Variants in EXOC2 observed in about 807,000 individuals in gnomAD.
EXOC2 encodes SEC5-like 1.
A neutral mutation model predicts 131.8 loss-of-function variants in EXOC2; 70 were observed. The ratio of observed to expected loss-of-function variants is 0.53; its 90% confidence interval spans 0.44 to 0.65. The LOEUF (loss-of-function observed/expected upper bound fraction) is 0.65, where lower values mean the gene tolerates loss of function less well. EXOC2 is among the 30% of genes least tolerant of loss of function. The pLI is 0.00. For missense variants in EXOC2, 923 were observed against 1,108.6 expected (o/e 0.83, Z 2.38); for synonymous variants, 411 against 398.4 (o/e 1.03, Z -0.38).
chr6:631,645 TTTTC>T (rs1187045386), intron 3 of EXOC2, among the ~76,000 whole-genome samples: 5 of 152,288 alleles, frequency 3.3e-5, no homozygotes, highest in Admixed American at 2.6e-4. Flanking sequence ...TTTGCCTAAG[TTTTC>T]TTTATCTGCT....
chr6:631,489 G>C (rs570769634), intron 3 of EXOC2, among the ~76,000 whole-genome samples: 2 of 151,646 alleles, frequency 1.3e-5, no homozygotes, highest in South Asian at 2.1e-4. Context: ...AGTAAGCCAA[G>C]ATTGAGATCG....
chr6:690,652 G>A (rs1764882070), intron 1 of EXOC2, among the ~76,000 whole-genome samples: 1 of 152,230 alleles, frequency 6.6e-6, no homozygotes, highest in Non-Finnish European at 1.5e-5. Flanking sequence ...GCACTGAGCA[G>A]AGATCTCGCC....
intron 19 of EXOC2, 104 bp downstream of exon 19, chr6:555,850 A>AAT (rs1343867477): frequency 1.8e-6 from 2 of 1,121,068 alleles, no homozygotes; most frequent in African/African-American, 3.1e-5. Flanking sequence ...ATGAAAAAAG[A>AAT]ATACCTATTT....
intron 4 of EXOC2, among the ~76,000 whole-genome samples, chr6:627,491 C>T (rs1761637685): frequency 6.6e-6 from 1 of 152,198 alleles, no homozygotes; most frequent in Non-Finnish European, 1.5e-5. Flanking sequence ...ACAGGATCCG[C>T]GCCTTTCTCT....
chr6:687,042 T>C (rs1220434906), intron 1 of EXOC2, among the ~76,000 whole-genome samples: 2 of 152,056 alleles, frequency 1.3e-5, no homozygotes, highest in Non-Finnish European at 2.9e-5. Context: ...TCTATATGCA[T>C]AGATAAAAAC....
At chr6:564,184 A>G in intron 15 of EXOC2, 30 bp from the exon 16 acceptor site, 1 of 1,609,866 alleles carries the variant, frequency 6.2e-7, no homozygotes, top group South Asian at 1.1e-5. Context: ...AACAGAAGTG[A>G]GCAGAGTGGG....
intron 1 of EXOC2, among the ~76,000 whole-genome samples, chr6:681,911 C>T (rs1764420880): frequency 6.6e-6 from 1 of 152,240 alleles, no homozygotes; most frequent in African/African-American, 2.4e-5. Context: ...AACCCTGGTC[C>T]TTTTCCTGCT....
chr6:626,742 C>T (rs1233558715), intron 4 of EXOC2, among the ~76,000 whole-genome samples: 1 of 152,148 alleles, frequency 6.6e-6, no homozygotes, highest in East Asian at 1.9e-4. Flanking sequence ...CATGCGCCTG[C>T]CACCACGCCC....
At chr6:605,596 C>T (rs1348199875) in intron 7 of EXOC2, among the ~76,000 whole-genome samples, 1 of 151,936 alleles carries the variant, frequency 6.6e-6, no homozygotes, top group Non-Finnish European at 1.5e-5. Context: ...TCTCTCTTTT[C>T]TTCTTTATTA....
intron 23 of EXOC2, among the ~76,000 whole-genome samples, chr6:505,680 C>T (rs1764509608): frequency 6.6e-6 from 1 of 152,182 alleles, no homozygotes; most frequent in Admixed American, 6.5e-5. Context: ...GGCAGCTCTG[C>T]AGTCCTTTGT....
At chr6:591,438 T>C (rs964423129) in intron 11 of EXOC2, among the ~76,000 whole-genome samples, 2 of 152,032 alleles carry the variant, frequency 1.3e-5, no homozygotes, top group Admixed American at 6.5e-5. Context: ...ACATTCTCCC[T>C]TCCTGGAAGT....
intron 11 of EXOC2, among the ~76,000 whole-genome samples, chr6:588,569 G>A (rs1759345159): frequency 6.6e-6 from 1 of 152,216 alleles, no homozygotes; most frequent in Admixed American, 6.5e-5. Context: ...TGGCCAGGCT[G>A]GTGTTGAACT....
chr6:504,478 G>A (rs1169095731), intron 23 of EXOC2, among the ~76,000 whole-genome samples: 1 of 152,232 alleles, frequency 6.6e-6, no homozygotes, highest in African/African-American at 2.4e-5. Flanking sequence ...TGACAGAGGG[G>A]CCATGCTGCA....
chr6:574,719 C>A (rs1758483825), intron 12 of EXOC2, among the ~76,000 whole-genome samples: 1 of 152,202 alleles, frequency 6.6e-6, no homozygotes, highest in Non-Finnish European at 1.5e-5. Context: ...TGTGGCTCCA[C>A]CCAAGATCAA....
intron 16 of EXOC2, among the ~76,000 whole-genome samples, chr6:563,283 C>T (rs531547857): frequency 1.3e-5 from 2 of 152,268 alleles, no homozygotes; most frequent in South Asian, 4.1e-4. Context: ...TAAGGGAATG[C>T]CACCTGCTCA....
chr6:637,207 T>A (rs1003712889), intron 2 of EXOC2, among the ~76,000 whole-genome samples: 41 of 152,092 alleles, frequency 2.7e-4, no homozygotes, highest in African/African-American at 9.7e-4. Context: ...CCAGATAGGA[T>A]CCACAGATCA....
chr6:650,359 AG>A (rs1357708938), intron 1 of EXOC2, among the ~76,000 whole-genome samples: 1 of 152,248 alleles, frequency 6.6e-6, no homozygotes, highest in African/African-American at 2.4e-5. Flanking sequence ...TCTTGTTCCT[AG>A]GAGAGTCCTT....
intron 4 of EXOC2, among the ~76,000 whole-genome samples, chr6:628,856 C>G (rs1047541086): frequency 1.3e-5 from 2 of 152,168 alleles, no homozygotes; most frequent in South Asian, 4.1e-4. Flanking sequence ...TTTGGAGGCA[C>G]TGGAATCCTT....
chr6:568,199 T>C (rs987984076), intron 13 of EXOC2, among the ~76,000 whole-genome samples: 6 of 152,244 alleles, frequency 3.9e-5, no homozygotes, highest in African/African-American at 1.2e-4. Context: ...TAGATTAACA[T>C]GCGCATCAAT....
Sources: allele counts gnomAD v4.1 joint callset (sites outside exome capture counted in the v4.1 genomes callset), GRCh38; gene constraint gnomAD v4.1.1; transcripts MANE v1.5; gene names NCBI Gene and HGNC (gene_info 2026-07-23, HGNC 2026-07-21).